The following CLASP1 variants were observed in gnomAD, a reference collection of about 807,000 sequenced individuals.
CLASP1 encodes the protein CLIP-associating protein 1.
Under a neutral mutation model 192.3 loss-of-function variants are expected in CLASP1, and 38 were observed. That is an observed-to-expected ratio of 0.20 (90% CI 0.15 to 0.26). The LOEUF (loss-of-function observed/expected upper bound fraction) is 0.26. Ranked by LOEUF, CLASP1 falls within the 10% of genes least tolerant of loss-of-function variation. The pLI, the probability that CLASP1 is intolerant of heterozygous loss-of-function variation, is 1.00. For synonymous variants in CLASP1, 691 were observed against 712.8 expected, an observed-to-expected ratio of 0.97 and a Z score of 0.49; for missense variants, 1,433 against 1,932.5, an observed-to-expected ratio of 0.74 and a Z score of 4.85.
chr2:121,606,124 T>C, exon 2 of CLASP1: 1 of 550,146 alleles, frequency 1.8e-6, no homozygotes, highest in East Asian at 2.9e-5. Context: ...AAGGAGTGAG[T>C]GGCAGAGTGA....
At chr2:121,627,623 G>C (rs1330218825) in intron 1 of CLASP1, among the ~76,000 whole-genome samples, 2 of 152,190 alleles carry the variant, frequency 1.3e-5, no homozygotes, top group African/African-American at 2.4e-5. Flanking sequence ...TTTGCTTATT[G>C]TCCCTCACCA....
At position 121,538,357 on chromosome 2, in the gene CLASP1, AC is replaced by A. The variant is rs375902191; in HGVS notation, c.196-8033del. On this transcript the variant is annotated intron_variant, in intron 2 of 39. Transcript: ENST00000263710. The stretch of plus-strand genomic sequence containing the variant: ...AAACCGGGAGGCAGATGTTGCAGTG[AC>A]CCAAGATTGCGCCATTGTACTCCAG... Among the ~76,000 whole-genome samples the A allele has an allele frequency of 8.5e-5, 13 of 152,050 alleles. No individual in the cohort carries two copies. The East Asian group carries it at 9.7e-4, about 11-fold the overall frequency.
intron 2 of CLASP1, among the ~76,000 whole-genome samples, chr2:121,564,868 G>A (rs1274904842): frequency 6.6e-6 from 1 of 152,204 alleles, no homozygotes; most frequent in Non-Finnish European, 1.5e-5. Context: ...TATCCTCCTG[G>A]TCCCTAAATA....
intron 30 of CLASP1, among the ~76,000 whole-genome samples, chr2:121,388,526 A>G (rs2149388150): frequency 6.6e-6 from 1 of 152,328 alleles, no homozygotes; most frequent in South Asian, 2.1e-4. Flanking sequence ...TTATTAATTG[A>G]GTCAACACAC....
chr2:121,529,634 C>A lies in CLASP1; in HGVS notation c.274+613G>T, dbSNP rs144197699. 2.0e-4 allele frequency among the ~76,000 whole-genome samples: 30 copies of A among 152,308 alleles called. 1 individual carries two copies. The highest frequency in any genetic ancestry group is 6.5e-4 in the African/African-American group (27 of 41,556). On this transcript the variant is annotated intron_variant, in intron 3 of 39. Coordinates refer to ENST00000263710, the Ensembl canonical transcript of CLASP1. ...GTCAGGAATTTAGAGGTATTTAAAT[C>A]TATGAAATCTGTGGGTTTTGTTTCA...
At chr2:121,343,812 C>T (rs2063091933) in intron 39 of CLASP1, among the ~76,000 whole-genome samples, 1 of 152,158 alleles carries the variant, frequency 6.6e-6, no homozygotes, top group African/African-American at 2.4e-5. Flanking sequence ...TGAGGTGGCT[C>T]ACACCTGTAA....
intron 2 of CLASP1, among the ~76,000 whole-genome samples, chr2:121,541,731 T>C (rs1408781746): frequency 6.6e-6 from 1 of 152,164 alleles, no homozygotes; most frequent in Non-Finnish European, 1.5e-5. Context: ...TCTCCTCCCA[T>C]GGCAGCTGCT....
At chr2:121,630,747 C>T (rs1166470733) in intron 1 of CLASP1, among the ~76,000 whole-genome samples, 1 of 151,690 alleles carries the variant, frequency 6.6e-6, no homozygotes, top group Admixed American at 6.6e-5. Flanking sequence ...GCCTGTAATC[C>T]CAGCTACTCA....
chr2:121,423,628 A>T (rs1416680907), intron 22 of CLASP1, among the ~76,000 whole-genome samples: 3 of 152,260 alleles, frequency 2.0e-5, no homozygotes, highest in Non-Finnish European at 4.4e-5. Context: ...ATTTAAAATC[A>T]AATGCATTTT....
chr2:121,525,709 G>A (rs753069042), intron 6 of CLASP1, 136 bp downstream of exon 6: 125 of 620,702 alleles, frequency 2.0e-4, no homozygotes, highest in Non-Finnish European at 3.4e-4. Context: ...AAATGCTAAT[G>A]GGTACTGGAT....
At chr2:121,530,800 G>T in intron 2 of CLASP1, 1 of 616,720 alleles carries the variant, frequency 1.6e-6, no homozygotes, top group South Asian at 1.8e-5. Flanking sequence ...AGACCGACTA[G>T]GGCGAGGCTC....
intron 8 of CLASP1, among the ~76,000 whole-genome samples, chr2:121,501,933 T>C (rs1265215516): frequency 1.3e-5 from 2 of 152,210 alleles, no homozygotes; most frequent in Admixed American, 1.3e-4. Context: ...TCAGTACTGG[T>C]TGTAATCTAA....
chr2:121,491,717 G>C (rs1559419891), intron 8 of CLASP1, among the ~76,000 whole-genome samples: 1 of 152,144 alleles, frequency 6.6e-6, no homozygotes, highest in Non-Finnish European at 1.5e-5. Flanking sequence ...AAGCCGAAAG[G>C]CCTTCGGGTA....
chr2:121,521,526 A>G lies in CLASP1; in HGVS notation c.546+4319T>C, dbSNP rs893037098. ...ATCCCGGAAACTTCCTACGTCATGCAGAATGACACATTTCCCCACTGCTCT... is the reference window on the plus strand; with the variant it reads ...ATCCCGGAAACTTCCTACGTCATGCGGAATGACACATTTCCCCACTGCTCT... On this transcript the variant is annotated intron_variant, in intron 6 of 39. Transcript: ENST00000263710. 1.6e-4 allele frequency among the ~76,000 whole-genome samples: 24 copies of G among 152,262 alleles called. 1 individual carries two copies. Among genetic ancestry groups the G allele is most frequent in the African/African-American group, 5.8e-4 (24 of 41,540 alleles).
At position 121,484,103 on chromosome 2, in the gene CLASP1, G is replaced by C. The variant is rs143236130; in HGVS notation, c.713-14143C>G. Among the ~76,000 whole-genome samples, 637 of 152,330 alleles carry C rather than the reference G, an allele frequency of 4.2e-3. 3 individuals carry two copies. Among genetic ancestry groups the C allele is most frequent in the African/African-American group, 0.015 (618 of 41,566 alleles). On this transcript the variant is annotated intron_variant, in intron 8 of 39. Coordinates refer to ENST00000263710, the Ensembl canonical transcript of CLASP1. ...AGCAAGTGTATTTTAGGAGAAGGAA[G>C]TGCAGATAAGTGCAGTTATTCTACG...
chr2:121,638,740 T>C (rs1331050705), intron 1 of CLASP1, among the ~76,000 whole-genome samples: 1 of 151,728 alleles, frequency 6.6e-6, no homozygotes, highest in African/African-American at 2.4e-5. Context: ...TGATCTCGGC[T>C]CACTGCAACC....
At chr2:121,553,165 G>A (rs1421643151) in intron 2 of CLASP1, among the ~76,000 whole-genome samples, 1 of 152,122 alleles carries the variant, frequency 6.6e-6, no homozygotes, top group African/African-American at 2.4e-5. Context: ...ACAAAGAAGG[G>A]AACAACAGAC....
chr2:121,353,279 G>A (rs1203180440), intron 37 of CLASP1, among the ~76,000 whole-genome samples: 3 of 152,220 alleles, frequency 2.0e-5, no homozygotes, highest in Non-Finnish European at 4.4e-5. Flanking sequence ...CCAAGTTGCT[G>A]GGGATCGGGG....
intron 2 of CLASP1, among the ~76,000 whole-genome samples, chr2:121,545,464 A>G (rs1477855427): frequency 6.6e-6 from 1 of 152,124 alleles, no homozygotes; most frequent in Non-Finnish European, 1.5e-5. Context: ...TGACAACTCA[A>G]GGTTATTCTA....
Sources: allele counts gnomAD v4.1 joint callset (sites outside exome capture counted in the v4.1 genomes callset), GRCh38; gene constraint gnomAD v4.1.1; transcripts MANE v1.5; gene names NCBI Gene and HGNC (gene_info 2026-07-23, HGNC 2026-07-21).